Variants in SPECC1 observed in about 807,000 individuals in gnomAD.
SPECC1 encodes sperm antigen with calponin homology and coiled-coil domains 1.
In SPECC1, 62 loss-of-function variants were observed where a neutral mutation model predicts 104.1. The observed-to-expected ratio is 0.60, with a 90% CI of 0.49 to 0.74. The LOEUF is 0.74. Among genes scored for constraint, SPECC1 ranks in the 30% least tolerant of loss-of-function variants. The pLI, the probability that SPECC1 is intolerant of heterozygous loss-of-function variation, is 0.00. For missense variants in SPECC1, 1,306 were observed against 1,310.5 expected (o/e 1.00, Z 0.05); for synonymous variants, 513 against 501.6 (o/e 1.02, Z -0.30).
chr17:20,074,126 G>A (rs776585371), intron 1 of SPECC1, among the ~76,000 whole-genome samples: 1 of 152,180 alleles, frequency 6.6e-6, no homozygotes, highest in Non-Finnish European at 1.5e-5. Flanking sequence ...GGATGTCTAA[G>A]GTCCTGTGGA....
intron 1 of SPECC1, among the ~76,000 whole-genome samples, chr17:20,080,876 T>C (rs988401674): frequency 4.6e-5 from 7 of 152,062 alleles, no homozygotes; most frequent in African/African-American, 1.7e-4. Flanking sequence ...ATGGGATCAG[T>C]GCAGGGGGGG....
intron 11 of SPECC1, among the ~76,000 whole-genome samples, chr17:20,258,402 C>G (rs1038129298): frequency 1.3e-5 from 2 of 152,206 alleles, no homozygotes; most frequent in Non-Finnish European, 2.9e-5. Flanking sequence ...TCCAGTGCCC[C>G]TGGTCGCCCA....
At chr17:20,308,179 G>T (rs2041826286) in intron 14 of SPECC1, among the ~76,000 whole-genome samples, 1 of 152,066 alleles carries the variant, frequency 6.6e-6, no homozygotes, top group South Asian at 2.1e-4. Context: ...CCTGAGGTCA[G>T]GAGTTTGAGA....
chr17:20,102,797 C>T (rs143141841), intron 2 of SPECC1, among the ~76,000 whole-genome samples: 1 of 152,206 alleles, frequency 6.6e-6, no homozygotes, highest in African/African-American at 2.4e-5. Flanking sequence ...CTCCTCCTTG[C>T]CTTAATTTGA....
rs775340726 is a variant in SPECC1 at position 20,110,571 on chromosome 17, G to A, written c.283+9G>A. ...CCTGAGGAGCGGCACAGGTAGGAGG[G>A]ACCGGGCAGGTGGGCTCGGCAGGCC... On this transcript the variant is annotated intron_variant, in intron 3 of 14. Transcript: ENST00000395527. 24 of 1,609,520 alleles carry A rather than the reference G, an allele frequency of 1.5e-5. No individual in the cohort carries two copies. Among genetic ancestry groups the A allele is most frequent in the Non-Finnish European group, 2.0e-5 (23 of 1,178,072 alleles).
chr17:20,111,831 GGGT>G, intron 3 of SPECC1: 1 of 833,394 alleles, frequency 1.2e-6, no homozygotes, highest in South Asian at 1.3e-5. Context: ...GCGATGAGGT[GGGT>G]GGCCCTGTTC....
At position 20,253,517 on chromosome 17, in the gene SPECC1, T is replaced by TA; in HGVS notation, c.2612dup (p.Tyr871Ter). 6.2e-7 allele frequency: 1 copy of TA among 1,614,040 alleles called. No homozygotes were observed. Among genetic ancestry groups the TA allele is most frequent in the South Asian group, 1.1e-5 (1 of 91,072 alleles). ...CTGGTTTTTACAGAGGCATTCGACT[T>TA]ACAGCAGTGTGCGGCCAGCCAGCAG... ...AVSPMQRHST[Y>*]SSVRPASRGV... The change falls in exon 10 of 15, where the codon TAC becomes TAAC. Residue 871 changes from tyrosine to a stop codon, truncating the protein, a stop_gained and frameshift_variant. Coordinates refer to ENST00000395527, the MANE Select transcript of SPECC1 (RefSeq NM_001243439.2). LOFTEE classifies it high-confidence loss of function.
intron 13 of SPECC1, among the ~76,000 whole-genome samples, chr17:20,298,948 A>AGAGAGTGT: frequency 6.1e-5 from 3 of 49,074 alleles, no homozygotes; most frequent in African/African-American, 1.9e-4. Context: ...AGAGAGAGAG[A>AGAGAGTGT]GTGTGTGTGT....
intron 1 of SPECC1, among the ~76,000 whole-genome samples, chr17:20,072,585 C>T (rs927133700): frequency 2.0e-5 from 3 of 152,232 alleles, no homozygotes; most frequent in Non-Finnish European, 2.9e-5. Flanking sequence ...ATGGGGCTGC[C>T]GTGCCAGGCC....
chr17:20,050,625 G>T (rs559625310), intron 1 of SPECC1, among the ~76,000 whole-genome samples: 1 of 152,318 alleles, frequency 6.6e-6, no homozygotes, highest in South Asian at 2.1e-4. Context: ...ACTTTGAATT[G>T]ATTTTGCTGA....
At position 20,208,031 on chromosome 17, in the gene SPECC1, G is replaced by A. The variant is rs530667737; in HGVS notation, c.1863+2119G>A. ...GAAAGCATTTAAAGTTATAGCTTTGGTAAATAGAGGCAATAAAATCTGGAA... is the reference window on the plus strand; with the variant it reads ...GAAAGCATTTAAAGTTATAGCTTTGATAAATAGAGGCAATAAAATCTGGAA... On this transcript the variant is annotated intron_variant, in intron 4 of 14. Coordinates refer to ENST00000395527, the MANE Select transcript of SPECC1 (RefSeq NM_001243439.2). Among the ~76,000 whole-genome samples the A allele has an allele frequency of 2.0e-5, 3 of 152,104 alleles. No individual in the cohort carries two copies. In the South Asian group the frequency reaches 6.2e-4, roughly 32 times the overall value.
chr17:20,307,230 A>T (rs1421199426), intron 14 of SPECC1, among the ~76,000 whole-genome samples: 1 of 152,244 alleles, frequency 6.6e-6, no homozygotes, highest in African/African-American at 2.4e-5. Flanking sequence ...GGAAAACCCA[A>T]CCAGCAGTTG....
At chr17:20,089,396 G>A (rs766210687) in intron 1 of SPECC1, among the ~76,000 whole-genome samples, 3 of 152,166 alleles carry the variant, frequency 2.0e-5, no homozygotes, top group East Asian at 1.9e-4. Flanking sequence ...GAGGCTTGAC[G>A]CGGGAGGATC....
chr17:20,300,650 T>C (rs1232394696), intron 13 of SPECC1, among the ~76,000 whole-genome samples: 2 of 152,262 alleles, frequency 1.3e-5, no homozygotes, highest in South Asian at 2.1e-4. Context: ...AGAGCCCCTG[T>C]GTCTGGCCCT....
At chr17:20,082,899 T>C (rs1437169122) in intron 1 of SPECC1, among the ~76,000 whole-genome samples, 1 of 152,054 alleles carries the variant, frequency 6.6e-6, no homozygotes, top group Admixed American at 6.5e-5. Flanking sequence ...CCCACTGTGC[T>C]CACACACCAT....
intron 1 of SPECC1, among the ~76,000 whole-genome samples, chr17:20,096,368 C>T (rs2047642833): frequency 6.6e-6 from 1 of 152,166 alleles, no homozygotes; most frequent in Non-Finnish European, 1.5e-5. Flanking sequence ...TGTCTCAGGT[C>T]ATTCTGCTGA....
At chr17:20,304,254 C>A (rs1034488786) in intron 13 of SPECC1, among the ~76,000 whole-genome samples, 11 of 151,928 alleles carry the variant, frequency 7.2e-5, no homozygotes, top group Middle Eastern at 3.4e-3. Context: ...CAAGCCACTA[C>A]ACTCCAGCCT....
At chr17:20,302,313 G>A (rs1163113460) in intron 13 of SPECC1, among the ~76,000 whole-genome samples, 3 of 152,122 alleles carry the variant, frequency 2.0e-5, no homozygotes, top group Non-Finnish European at 1.5e-5. Context: ...ATCATCCCCC[G>A]ACCAGGGCAG....
At chr17:20,080,911 T>C (rs1247870776) in intron 1 of SPECC1, among the ~76,000 whole-genome samples, 1 of 151,674 alleles carries the variant, frequency 6.6e-6, no homozygotes, top group Non-Finnish European at 1.5e-5. Flanking sequence ...CCTCCTGTGG[T>C]CCTTCTTGCC....
Sources: gnomAD v4.1 joint callset for allele counts (sites outside exome capture counted in the v4.1 genomes callset) on GRCh38, gnomAD v4.1.1 for gene constraint, MANE v1.5 for transcripts, NCBI Gene and HGNC (gene_info 2026-07-23, HGNC 2026-07-21) for gene names.